MCUB: variants seen among roughly 807,000 people sequenced by gnomAD.
MCUB encodes mitochondrial calcium uniporter dominant negative subunit beta.
MCUB carries 46 observed loss-of-function variants against 41.4 expected under a neutral mutation model. The observed-to-expected ratio is 1.11, with a 90% confidence interval of 0.88 to 1.42. MCUB has a LOEUF of 1.42. MCUB is among the 40% of genes most tolerant of loss of function. MCUB has a pLI of 0.00. For synonymous variants in MCUB, 148 were observed against 148.2 expected, an observed-to-expected ratio of 1.00 and a Z score of 0.01; for missense variants, 403 against 404.9, an observed-to-expected ratio of 1.00 and a Z score of 0.04.
At chr4:109,651,946 G>A (rs965931515) in intron 1 of MCUB, among the ~76,000 whole-genome samples, 3 of 152,064 alleles carry the variant, frequency 2.0e-5, no homozygotes, top group Non-Finnish European at 2.9e-5. Flanking sequence ...CACTAATTGC[G>A]CCTCCACTGT....
chr4:109,602,508 A>C (rs566457859), intron 1 of MCUB, among the ~76,000 whole-genome samples: 17 of 152,290 alleles, frequency 1.1e-4, no homozygotes, highest in African/African-American at 3.4e-4. Context: ...CTTTGTTGAA[A>C]GTGAGCTCAC....
chr4:109,677,588 G>A (rs1164813100), intron 4 of MCUB, among the ~76,000 whole-genome samples: 2 of 152,174 alleles, frequency 1.3e-5, no homozygotes, highest in East Asian at 1.9e-4. Context: ...GAGGACCAAC[G>A]TGAGTGGATT....
At chr4:109,561,366 T>C (rs1018126650) in intron 1 of MCUB, among the ~76,000 whole-genome samples, 3 of 152,188 alleles carry the variant, frequency 2.0e-5, no homozygotes, top group Non-Finnish European at 4.4e-5. Flanking sequence ...TTTATTTTGT[T>C]CTTTTTTTTC....
At chr4:109,568,239 A>AG (rs1175810929) in intron 1 of MCUB, among the ~76,000 whole-genome samples, 2 of 152,166 alleles carry the variant, frequency 1.3e-5, no homozygotes, top group Non-Finnish European at 2.9e-5. Context: ...ACCGGTTTTC[A>AG]CTTTTCAAGA....
rs1461779262 is a variant in MCUB, at chr4:109,560,352, C to T, written c.15C>T (p.Gly5=). 7.6e-7 allele frequency: 1 copy of T among 1,313,090 alleles called. No individual in the cohort carries two copies. The highest frequency in any genetic ancestry group is 9.7e-7 in the Non-Finnish European group (1 of 1,031,648). 81.3% of individuals were successfully genotyped at this position (1,313,090 alleles called of 1,614,324 possible). ...GGGGCGGGAGGATGCTCCAGAGGGGCCTCTGGCCGTGGCGCACGCGGCTGC... is the reference window on the plus strand; with the variant it reads ...GGGGCGGGAGGATGCTCCAGAGGGGTCTCTGGCCGTGGCGCACGCGGCTGC... MLQR[G]LWPWRTRLLP... is the part of the protein sequence containing the mutation. Residue 5 remains glycine, a synonymous_variant, in exon 1 of 8, where the codon GGC becomes GGT. Transcript: ENST00000394650.
At chr4:109,573,923 A>T (rs1367113735) in intron 1 of MCUB, among the ~76,000 whole-genome samples, 1 of 129,672 alleles carries the variant, frequency 7.7e-6, no homozygotes, top group Non-Finnish European at 1.5e-5. Context: ...CTCAGGCTGG[A>T]TTGCAGTGGC....
intron 1 of MCUB, among the ~76,000 whole-genome samples, chr4:109,578,944 G>A (rs17040565): frequency 0.011 from 1,747 of 152,166 alleles, 32 homozygotes; most frequent in African/African-American, 0.039. Flanking sequence ...TGAAAGTATC[G>A]GGACTTTTAT....
intron 1 of MCUB, among the ~76,000 whole-genome samples, chr4:109,612,963 G>A (rs767301585): frequency 1.3e-5 from 2 of 152,028 alleles, no homozygotes; most frequent in African/African-American, 2.4e-5. Context: ...AAAATTAGCT[G>A]GGTGTGGTGG....
chr4:109,566,138 G>C (rs1403243555), intron 1 of MCUB, among the ~76,000 whole-genome samples: 1 of 150,800 alleles, frequency 6.6e-6, no homozygotes, highest in Non-Finnish European at 1.5e-5. Flanking sequence ...TTACAGGCGT[G>C]AGCCACTGTG....
intron 1 of MCUB, among the ~76,000 whole-genome samples, chr4:109,638,259 A>T (rs1728637611): frequency 6.6e-6 from 1 of 152,160 alleles, no homozygotes; most frequent in African/African-American, 2.4e-5. Context: ...AGGGAGGCTG[A>T]GGTAGGAGGA....
chr4:109,672,537 A>G (rs1205752513), intron 4 of MCUB, among the ~76,000 whole-genome samples: 1 of 152,236 alleles, frequency 6.6e-6, no homozygotes, highest in Non-Finnish European at 1.5e-5. Context: ...GAAGAAATTC[A>G]TAAGTCTATG....
chr4:109,598,988 AT>A (rs1727663305), intron 1 of MCUB, among the ~76,000 whole-genome samples: 1 of 152,216 alleles, frequency 6.6e-6, no homozygotes, highest in African/African-American at 2.4e-5. Context: ...GGATGCTTAA[AT>A]TTTGACTTTT....
chr4:109,591,323 C>G (rs1682157954), intron 1 of MCUB, among the ~76,000 whole-genome samples: 1 of 151,562 alleles, frequency 6.6e-6, no homozygotes, highest in African/African-American at 2.4e-5. Flanking sequence ...GTAGCTGGGA[C>G]TACAGGTGTG....
chr4:109,596,777 CAG>C (rs1727565682), intron 1 of MCUB, among the ~76,000 whole-genome samples: 1 of 147,954 alleles, frequency 6.8e-6, no homozygotes. Context: ...GTGTTTCTCA[CAG>C]AGGGGGATTT....
intron 3 of MCUB, among the ~76,000 whole-genome samples, chr4:109,663,988 C>T (rs1016901670): frequency 5.9e-5 from 9 of 152,248 alleles, no homozygotes; most frequent in African/African-American, 2.2e-4. Context: ...CTCCCCTGAA[C>T]CTTTGCATGA....
intron 1 of MCUB, among the ~76,000 whole-genome samples, chr4:109,566,419 G>A (rs1362173701): frequency 6.6e-6 from 1 of 150,570 alleles, no homozygotes; most frequent in African/African-American, 2.4e-5. Flanking sequence ...GTAGTGAGCC[G>A]AGATCGCGCC....
At chr4:109,617,682 T>G (rs1410644514) in intron 1 of MCUB, among the ~76,000 whole-genome samples, 1 of 152,242 alleles carries the variant, frequency 6.6e-6, no homozygotes, top group Non-Finnish European at 1.5e-5. Context: ...TGTTACAGAT[T>G]CATAATTAAC....
intron 7 of MCUB, among the ~76,000 whole-genome samples, chr4:109,687,239 G>T (rs986880784): frequency 6.6e-6 from 1 of 151,924 alleles, no homozygotes; most frequent in Non-Finnish European, 1.5e-5. Flanking sequence ...GGCACCTGTG[G>T]TCCTAGCTAC....
chr4:109,594,591 G>A (rs559512347), intron 1 of MCUB, among the ~76,000 whole-genome samples: 5 of 152,128 alleles, frequency 3.3e-5, no homozygotes, highest in African/African-American at 9.6e-5. Context: ...CCCGGGAGGC[G>A]GAGGTTGCAG....
Sources: gnomAD v4.1 joint callset for allele counts (sites outside exome capture counted in the v4.1 genomes callset) on GRCh38, gnomAD v4.1.1 for gene constraint, MANE v1.5 for transcripts, NCBI Gene and HGNC (gene_info 2026-07-23, HGNC 2026-07-21) for gene names.